KCNAB1: variants seen among roughly 807,000 people sequenced by gnomAD.
KCNAB1 encodes the protein potassium voltage-gated channel subfamily A regulatory beta subunit 1.
In KCNAB1, 35 loss-of-function variants were observed where a neutral mutation model predicts 64.6. That is an observed-to-expected ratio of 0.54 (90% CI 0.41 to 0.72). The LOEUF is 0.72. Ranked by LOEUF, KCNAB1 falls within the 30% of genes least tolerant of loss-of-function variation. KCNAB1 has a pLI of 0.00. For synonymous variants in KCNAB1, 177 were observed against 183.8 expected (o/e 0.96, Z 0.30); for missense variants, 401 against 512.9 (o/e 0.78, Z 2.11).
chr3:156,511,825 T>C (rs762477085), intron 8 of KCNAB1, among the ~76,000 whole-genome samples: 26 of 152,340 alleles, frequency 1.7e-4, no homozygotes, highest in Admixed American at 7.2e-4. Context: ...AATGCCTTGA[T>C]TAAACCTTGA....
chr3:156,249,026 GTGTTT>G (rs1717643159), intron 1 of KCNAB1, among the ~76,000 whole-genome samples: 1 of 90,660 alleles, frequency 1.1e-5, no homozygotes. Context: ...AAATCTGGTT[GTGTTT>G]TTTTTTTTAA....
At position 156,292,069 on chromosome 3, in the gene KCNAB1, G is replaced by T. The variant is rs138625130; in HGVS notation, c.276-129547G>T. On this transcript the variant is annotated intron_variant, in intron 1 of 13. Transcript: ENST00000490337. ...TCGCGCGCAGCCTGGGGACGTTCAC[G>T]CCTCAGCATCACATTTCTCTCAAAG... 9 of 1,614,126 alleles carry T rather than the reference G, an allele frequency of 5.6e-6. No individual in the cohort carries two copies. In the African/African-American group the frequency reaches 9.3e-5, roughly 17 times the overall value.
At chr3:156,156,016 A>T (rs145403235) in intron 1 of KCNAB1, among the ~76,000 whole-genome samples, 11 of 152,258 alleles carry the variant, frequency 7.2e-5, no homozygotes, top group Non-Finnish European at 1.3e-4. Flanking sequence ...GGGTTTGGCC[A>T]TGTAGACACG....
At chr3:156,148,415 T>C (rs1715183772) in intron 1 of KCNAB1, among the ~76,000 whole-genome samples, 1 of 152,224 alleles carries the variant, frequency 6.6e-6, no homozygotes, top group South Asian at 2.1e-4. Flanking sequence ...TTGAGGTGCA[T>C]CCATTCAGAA....
Position 156,514,459 on chromosome 3 carries a change from C to G in KCNAB1, c.744+10C>G. 6.3e-7 allele frequency: 1 copy of G among 1,598,520 alleles called. No homozygotes were observed. The highest frequency in any genetic ancestry group is 8.6e-7 in the Non-Finnish European group (1 of 1,166,044). On this transcript the variant is annotated intron_variant, in intron 9 of 13. Coordinates refer to ENST00000490337, the MANE Select transcript of KCNAB1 (RefSeq NM_172160.3). The stretch of plus-strand genomic sequence containing the variant: ...TGCTATGGAGATCATGGTAATTTAA[C>G]TTCTATTTTTAAATGGCTATTGAGT...
intron 1 of KCNAB1, among the ~76,000 whole-genome samples, chr3:156,191,603 C>T (rs1323524840): frequency 6.6e-6 from 1 of 152,130 alleles, no homozygotes; most frequent in African/African-American, 2.4e-5. Flanking sequence ...CAGAAGTTGA[C>T]AAAATGTGCC....
chr3:156,120,922 C>T (rs763838991), intron 1 of KCNAB1, 36 bp downstream of exon 1: 13 of 1,604,800 alleles, frequency 8.1e-6, no homozygotes, highest in East Asian at 4.5e-5. Context: ...CTTTGGGAGA[C>T]GCCGTTCGAA....
At chr3:156,128,808 T>C (rs1446991563) in intron 1 of KCNAB1, among the ~76,000 whole-genome samples, 1 of 152,218 alleles carries the variant, frequency 6.6e-6, no homozygotes, top group African/African-American at 2.4e-5. Flanking sequence ...TCATGAATAT[T>C]AGGAAGAAAT....
intron 10 of KCNAB1, among the ~76,000 whole-genome samples, chr3:156,515,779 G>C (rs1031164144): frequency 6.6e-6 from 1 of 152,000 alleles, no homozygotes; most frequent in African/African-American, 2.4e-5. Context: ...ACATTTTCAG[G>C]CTTATTTATC....
chr3:156,178,281 A>T (rs913056986), intron 1 of KCNAB1, among the ~76,000 whole-genome samples: 1 of 152,210 alleles, frequency 6.6e-6, no homozygotes, highest in African/African-American at 2.4e-5. Flanking sequence ...ATTGACCCTC[A>T]CAGTCATTTA....
At chr3:156,329,124 A>G (rs994080032) in intron 1 of KCNAB1, among the ~76,000 whole-genome samples, 4 of 152,140 alleles carry the variant, frequency 2.6e-5, no homozygotes, top group Non-Finnish European at 5.9e-5. Context: ...GAGATCTCTA[A>G]TATCTTCAGG....
At chr3:156,436,856 T>C (rs112156395) in intron 2 of KCNAB1, among the ~76,000 whole-genome samples, 5,556 of 152,258 alleles carry the variant, frequency 0.036, 343 homozygotes, top group African/African-American at 0.13. Context: ...AATTTTCTCC[T>C]GTTCTGTAGG....
intron 1 of KCNAB1, among the ~76,000 whole-genome samples, chr3:156,310,673 G>A (rs984058957): frequency 8.5e-5 from 13 of 152,068 alleles, no homozygotes; most frequent in Non-Finnish European, 1.5e-4. Context: ...GCGGGGTGGC[G>A]GGTGCCTGTA....
At position 156,139,584 on chromosome 3, in the gene KCNAB1, G is replaced by GTTTTTTTTTTTTTT. The variant is rs386398329; in HGVS notation, c.275+18711_275+18724dup. ...TTTCTCCCTAACTCCATTGTACTGTGTTTTTTTTTTTTTTTTTTTTTTTTT... is the reference window on the plus strand; with the variant it reads ...TTTCTCCCTAACTCCATTGTACTGTGTTTTTTTTTTTTTTTTTTTTTTTTTTTTTTTTTTTTTTT... On this transcript the variant is annotated intron_variant, in intron 1 of 13. Coordinates refer to ENST00000490337, the MANE Select transcript of KCNAB1 (RefSeq NM_172160.3). Among the ~76,000 whole-genome samples the GTTTTTTTTTTTTTT allele has an allele frequency of 8.5e-4, 47 of 55,252 alleles. 5 individuals are homozygous for GTTTTTTTTTTTTTT. Among genetic ancestry groups the GTTTTTTTTTTTTTT allele is most frequent in the African/African-American group, 2.9e-3 (38 of 13,220 alleles). 36.2% of individuals were successfully genotyped at this position (55,252 alleles called of 152,430 possible).
chr3:156,167,210 A>G (rs1711633084), intron 1 of KCNAB1, among the ~76,000 whole-genome samples: 1 of 152,204 alleles, frequency 6.6e-6, no homozygotes, highest in Admixed American at 6.5e-5. Context: ...ACAATGCCCC[A>G]GACCACAGGT....
intron 1 of KCNAB1, among the ~76,000 whole-genome samples, chr3:156,324,052 CT>C (rs879619185): frequency 1.0e-3 from 149 of 148,942 alleles, no homozygotes; most frequent in African/African-American, 3.1e-3. Flanking sequence ...ATTTATTTTG[CT>C]TTTTTTTTTC....
intron 1 of KCNAB1, among the ~76,000 whole-genome samples, chr3:156,388,888 C>T (rs551796259): frequency 6.6e-6 from 1 of 152,322 alleles, no homozygotes; most frequent in African/African-American, 2.4e-5. Context: ...TCTGTCCTTT[C>T]ACGTCAGGGG....
intron 1 of KCNAB1, among the ~76,000 whole-genome samples, chr3:156,184,616 T>A (rs1054310531): frequency 6.6e-6 from 1 of 152,126 alleles, no homozygotes; most frequent in Admixed American, 6.5e-5. Flanking sequence ...CACAGGTATC[T>A]AAGAACAAAG....
At chr3:156,201,443 A>G (rs1714324350) in intron 1 of KCNAB1, among the ~76,000 whole-genome samples, 1 of 152,220 alleles carries the variant, frequency 6.6e-6, no homozygotes, top group Non-Finnish European at 1.5e-5. Context: ...TGTTACAATC[A>G]GTGAATCCAC....
Sources: gnomAD v4.1 joint callset for allele counts (sites outside exome capture counted in the v4.1 genomes callset) on GRCh38, gnomAD v4.1.1 for gene constraint, MANE v1.5 for transcripts, NCBI Gene and HGNC (gene_info 2026-07-23, HGNC 2026-07-21) for gene names.